Variants in CD101 observed in about 807,000 individuals in gnomAD.
CD101 encodes immunoglobulin superfamily member 2.
In CD101, 76 loss-of-function variants were observed where a neutral mutation model predicts 98.2. That is an observed-to-expected ratio of 0.77 (90% confidence interval 0.64 to 0.94). The LOEUF is 0.94. Ranked by LOEUF, CD101 falls within the 40% of genes least tolerant of loss-of-function variation. The pLI is 0.00. For synonymous variants in CD101, 471 were observed against 472.7 expected (o/e 1.00, Z 0.05); for missense variants, 1,145 against 1,218.8 (o/e 0.94, Z 0.90).
intron 7 of CD101, among the ~76,000 whole-genome samples, chr1:117,025,019 G>C (rs1315323718): frequency 1.3e-5 from 2 of 152,208 alleles, no homozygotes; most frequent in Admixed American, 1.3e-4. Flanking sequence ...ATTCCTAGCA[G>C]AGAATGTCCT....
chr1:117,020,022 A>G (rs1274162915), intron 6 of CD101, among the ~76,000 whole-genome samples: 1 of 151,928 alleles, frequency 6.6e-6, no homozygotes, highest in Non-Finnish European at 1.5e-5. Flanking sequence ...TCAATTGTCC[A>G]TGTTCCCTCT....
At chr1:117,030,294 A>T (rs186853353) in intron 8 of CD101, among the ~76,000 whole-genome samples, 45 of 152,116 alleles carry the variant, frequency 3.0e-4, no homozygotes, top group Admixed American at 1.8e-3. Flanking sequence ...AGATGGGAGG[A>T]TTGCTTGAGT....
rs148436573 is a variant in CD101 at position 117,010,164 on chromosome 1, G to A, written c.358G>A (p.Glu120Lys). 8.1e-5 allele frequency: 130 copies of A among 1,614,188 alleles called. No homozygotes were observed. Among genetic ancestry groups the A allele is most frequent in the Non-Finnish European group, 1.1e-4 (124 of 1,180,020 alleles). Residue 120 changes from glutamate (E) to lysine (K), a missense_variant, in exon 2 of 10, where the codon GAG becomes AAG. By Grantham distance (56) the Glu-to-Lys change is moderately conservative. Coordinates refer to ENST00000682167, the MANE Select transcript of CD101 (RefSeq NM_001256106.3). This position sits in a 1 kb window ranked among gnomAD's most constrained non-coding sequence, Gnocchi z 5.2. ...KLQMKDAGEY[E>K]CHTPNTDEKY... ...CCAGATGAAGGATGCTGGCGAGTAT[G>A]AGTGTCACACACCAAACACTGATGA... is the stretch of plus-strand genomic sequence containing the variant.
chr1:117,024,727 G>A (rs1271689847), intron 7 of CD101, among the ~76,000 whole-genome samples: 2 of 152,114 alleles, frequency 1.3e-5, no homozygotes, highest in Admixed American at 6.5e-5. Context: ...GCATCAAAAT[G>A]TTCAGTCTCT....
Position 117,022,692 on chromosome 1 carries a change from T to C in CD101, c.2428+709T>C, listed in dbSNP as rs542376155. 6.6e-6 allele frequency among the ~76,000 whole-genome samples: 1 copy of C among 152,326 alleles called. No homozygotes were observed. Among genetic ancestry groups the C allele is most frequent in the Admixed American group, 6.5e-5 (1 of 15,306 alleles). Reference sequence around the variant, plus strand: ...GCACAATGCAGAGAAGTTGATCTAATTTGGTGCTTGAAATACTATTTTCAA... The same window carrying C: ...GCACAATGCAGAGAAGTTGATCTAACTTGGTGCTTGAAATACTATTTTCAA... On this transcript the variant is annotated intron_variant, in intron 7 of 9. Transcript: ENST00000682167. This position sits in a 1 kb window ranked among gnomAD's most constrained non-coding sequence, Gnocchi z 4.8.
chr1:117,002,959 C>A (rs1346598134), intron 1 of CD101, among the ~76,000 whole-genome samples: 1 of 152,112 alleles, frequency 6.6e-6, no homozygotes, highest in Non-Finnish European at 1.5e-5. Flanking sequence ...ACCCTTTAAT[C>A]CTACATGTGG....
At chr1:117,035,766 A>T (rs1457781002) in intron 9 of CD101, among the ~76,000 whole-genome samples, 109 of 151,858 alleles carry the variant, frequency 7.2e-4, no homozygotes, top group Non-Finnish European at 1.0e-4. Flanking sequence ...GTTAGCCAGG[A>T]TGGTCTCGAT....
At chr1:117,024,559 A>G (rs1653786937) in intron 7 of CD101, among the ~76,000 whole-genome samples, 1 of 152,210 alleles carries the variant, frequency 6.6e-6, no homozygotes. Context: ...TGTAATGCAC[A>G]CTATAATTTC....
chr1:117,025,181 G>C (rs2101145136), intron 7 of CD101, among the ~76,000 whole-genome samples: 1 of 152,156 alleles, frequency 6.6e-6, no homozygotes, highest in Middle Eastern at 3.4e-3. Flanking sequence ...TGGCCAACAT[G>C]GTGAAACCCC....
At chr1:117,007,558 G>A (rs1652611058) in intron 1 of CD101, among the ~76,000 whole-genome samples, 1 of 152,060 alleles carries the variant, frequency 6.6e-6, no homozygotes, top group South Asian at 2.1e-4. Flanking sequence ...ATGTTGGCCA[G>A]GCTGGTCTTA....
chr1:117,003,317 A>G (rs867216153), intron 1 of CD101, among the ~76,000 whole-genome samples: 1 of 152,342 alleles, frequency 6.6e-6, no homozygotes, highest in South Asian at 2.1e-4. Context: ...GAGGTTGCTT[A>G]ATAAACATTG....
chr1:117,016,186 TTA>T (rs72484956), intron 4 of CD101, among the ~76,000 whole-genome samples: 1,967 of 142,652 alleles, frequency 0.014, 40 homozygotes, highest in African/African-American at 0.046. Context: ...AGACACACAT[TTA>T]TATATATATA....
chr1:117,032,930 T>C (rs1654553497), intron 8 of CD101: 2 of 152,300 alleles, frequency 1.3e-5, no homozygotes, highest in South Asian at 4.1e-4. Flanking sequence ...TGCTTCAGCA[T>C]GCCTTTATAT....
chr1:117,031,041 G>T (rs542368643), intron 8 of CD101, among the ~76,000 whole-genome samples: 14 of 152,334 alleles, frequency 9.2e-5, no homozygotes, highest in African/African-American at 3.4e-4. Flanking sequence ...AAACCTTAAT[G>T]GTTTGAATGT....
At chr1:117,009,627 TG>T (rs1652754597) in intron 1 of CD101, among the ~76,000 whole-genome samples, 1 of 152,234 alleles carries the variant, frequency 6.6e-6, no homozygotes. Context: ...TTTAAGAGAC[TG>T]AAGATTACTA....
At chr1:117,032,717 A>G (rs1399845379) in intron 8 of CD101, among the ~76,000 whole-genome samples, 1 of 152,234 alleles carries the variant, frequency 6.6e-6, no homozygotes, top group Non-Finnish European at 1.5e-5. Flanking sequence ...GGAAGACTAC[A>G]TTTAGTAATT....
chr1:117,020,135 T>G (rs1189035587), intron 6 of CD101, among the ~76,000 whole-genome samples: 1 of 152,114 alleles, frequency 6.6e-6, no homozygotes, highest in Non-Finnish European at 1.5e-5. Flanking sequence ...AGCTCAGAAT[T>G]ATCTCCTCCA....
intron 7 of CD101, among the ~76,000 whole-genome samples, chr1:117,024,542 T>C (rs1248328610): frequency 1.3e-5 from 2 of 152,080 alleles, no homozygotes; most frequent in Non-Finnish European, 2.9e-5. Context: ...TGTAGTGGAA[T>C]TGAAAATGTA....
In CD101 at chr1:117,018,634, A is replaced by T. The variant is rs1653396955; in HGVS notation, c.2017+74A>T. On this transcript the variant is annotated intron_variant, in intron 6 of 9. Coordinates refer to ENST00000682167, the MANE Select transcript of CD101 (RefSeq NM_001256106.3). The surrounding 1 kb of genome is among the most constrained non-coding windows in gnomAD (Gnocchi z 4.3). ...AATCCTCCCATTTTGGGTAAGTTAT[A>T]ACAATAAAACATAAAATACTTTCTC... 1 of 1,357,998 alleles carries T rather than the reference A, an allele frequency of 7.4e-7. No individual in the cohort carries two copies. The highest frequency in any genetic ancestry group is 2.4e-5 in the Admixed American group (1 of 42,114). The allele number at this position is 1,357,998 out of a possible 1,614,324, so 84.1% of individuals were successfully genotyped here.
Sources: allele counts gnomAD v4.1 joint callset (sites outside exome capture counted in the v4.1 genomes callset), GRCh38; gene constraint gnomAD v4.1.1; non-coding constraint Gnocchi (gnomAD v3.1); transcripts MANE v1.5; gene names NCBI Gene and HGNC (gene_info 2026-07-23, HGNC 2026-07-21).